Variants in PANX2 observed in about 807,000 individuals in gnomAD.
The protein encoded by PANX2 is pannexin 2.
PANX2 carries 30 observed loss-of-function variants against 38.7 expected under a neutral mutation model. That is an observed-to-expected ratio of 0.78 (90% CI 0.58 to 1.05). The LOEUF (loss-of-function observed/expected upper bound fraction) is 1.05, where lower values mean the gene tolerates loss of function less well. Among genes scored for constraint, PANX2 ranks in the 50% least tolerant of loss-of-function variants. The probability of loss-of-function intolerance (pLI) is 0.00; values close to 1 mark genes in which losing one functional copy is unlikely to be tolerated. For synonymous variants in PANX2, 539 were observed against 472.1 expected (o/e 1.14, Z -1.84); for missense variants, 880 against 979.3 (o/e 0.90, Z 1.35).
chr22:50,175,758 T>A (rs1336136714), intron 1 of PANX2, among the ~76,000 whole-genome samples: 1 of 152,180 alleles, frequency 6.6e-6, no homozygotes, highest in Non-Finnish European at 1.5e-5. Context: ...AGCCGGGAGC[T>A]CCGTGTGGGG....
In PANX2 at chr22:50,177,923, C is replaced by A; in HGVS notation, c.1211C>A (p.Thr404Asn). ...ACGGTGCGCGACTCGGGGGTGCAGACCGTGGACCCCAGCGCCAACCCCGCC... is the reference window on the plus strand; with the variant it reads ...ACGGTGCGCGACTCGGGGGTGCAGAACGTGGACCCCAGCGCCAACCCCGCC... ...TPTVRDSGVQ[T>N]VDPSANPAEP... The change falls in exon 2 of 3, where the codon ACC (threonine) becomes AAC (asparagine). Residue 404 changes from threonine to asparagine, a missense_variant. Around this residue, in one of 4 missense-constraint regions of PANX2, gnomAD observed 445 missense variants for 404.3 expected, o/e 1.10. Transcript: ENST00000395842. 6.5e-7 allele frequency: 1 copy of A among 1,530,970 alleles called. No homozygotes were observed. The allele number at this position is 1,530,970 out of a possible 1,614,324, so 94.8% of individuals were successfully genotyped here.
At chr22:50,172,463 G>T (rs1308837777) in intron 1 of PANX2, among the ~76,000 whole-genome samples, 2 of 152,054 alleles carry the variant, frequency 1.3e-5, no homozygotes, top group Non-Finnish European at 2.9e-5. Flanking sequence ...ACAGAGTCTT[G>T]GTATGTCGCC....
In PANX2 at chr22:50,179,232, C is replaced by T. The variant is rs2063684698; in HGVS notation, c.1989C>T (p.Ala663=). 6.2e-7 allele frequency: 1 copy of T among 1,612,602 alleles called. No homozygotes were observed. Among genetic ancestry groups the T allele is most frequent in the African/African-American group, 1.3e-5 (1 of 74,932 alleles). ...CTGCCCCACAGCAGATCCTCATCGC[C>T]ACCTTCGACGAGCCGAGAACGGTCG... The part of the protein sequence containing the change: ...AIPAPQQILI[A]TFDEPRTVVS... Residue 663 remains alanine, a synonymous_variant, in exon 3 of 3, where the codon GCC becomes GCT. Coordinates refer to ENST00000395842, the MANE Select transcript of PANX2 (RefSeq NM_052839.4).
At position 50,179,403 on chromosome 22, in the gene PANX2, A is replaced by C; in HGVS notation, c.*126A>C. 1.3e-5 allele frequency: 11 copies of C among 827,920 alleles called. No homozygotes were observed. The highest frequency in any genetic ancestry group is 1.9e-5 in the Non-Finnish European group (10 of 532,120). The allele number at this position is 827,920 out of a possible 1,614,324, so 51.3% of individuals were successfully genotyped here. ...TTCGCCCGCACTGCGCGCATCCCCA[A>C]CCTCTGTCCGCATGCCTGGGGCCTT... On this transcript the variant is annotated 3_prime_UTR_variant, in exon 3 of 3. Coordinates refer to ENST00000395842, the MANE Select transcript of PANX2 (RefSeq NM_052839.4).
intron 1 of PANX2, among the ~76,000 whole-genome samples, chr22:50,175,156 G>A (rs1376005574): frequency 6.6e-6 from 1 of 152,196 alleles, no homozygotes; most frequent in East Asian, 1.9e-4. Context: ...AGGAGTTCGG[G>A]TCCAAGTGGG....
chr22:50,176,194 G>A (rs1040642275), intron 1 of PANX2, among the ~76,000 whole-genome samples: 2 of 152,276 alleles, frequency 1.3e-5, no homozygotes, highest in East Asian at 1.9e-4. Flanking sequence ...TTTCACTGCC[G>A]TTCGTGTCAT....
Position 50,177,833 on chromosome 22 carries a change from T to C in PANX2, c.1121T>C (p.Met374Thr). 6.3e-7 allele frequency: 1 copy of C among 1,597,686 alleles called. No individual in the cohort carries two copies. The highest frequency in any genetic ancestry group is 8.5e-7 in the Non-Finnish European group (1 of 1,178,504). The change falls in exon 2 of 3, where the codon ATG becomes ACG. Residue 374 changes from methionine to threonine, a missense_variant. Physicochemically the swap from Met to Thr is moderately conservative, Grantham distance 81. Around this residue, in one of 4 missense-constraint regions of PANX2, gnomAD observed 78 missense variants for 133.1 expected, o/e 0.59. Coordinates refer to ENST00000395842, the MANE Select transcript of PANX2 (RefSeq NM_052839.4). ...TTCATCACCAACGAGAGCGACCTCA[T>C]GTACGACAACGTGGTCCGGCAGCTG... ...LDFITNESDL[M>T]YDNVVRQLLA...
At chr22:50,178,441 G>A (rs761074347) in intron 2 of PANX2, 39 bp downstream of exon 2, 19 of 1,308,170 alleles carry the variant, frequency 1.5e-5, no homozygotes, top group Non-Finnish European at 1.9e-5. Flanking sequence ...GGGGACTGGG[G>A]GTGGGAGAGG....
At chr22:50,176,862 G>T in intron 1 of PANX2, 77 bp from the exon 2 acceptor site, 1 of 1,403,274 alleles carries the variant, frequency 7.1e-7, no homozygotes, top group South Asian at 1.5e-5. Flanking sequence ...GCAGGGACGC[G>T]GTCAGGTCCA....
Position 50,170,757 on chromosome 22 carries a change from G to T in PANX2, c.27G>T (p.Ala9=), listed in dbSNP as rs573803350. The T allele has an allele frequency of 1.2e-4, 162 of 1,330,428 alleles. No homozygotes were observed. The African/African-American group carries it at 2.1e-3, about 18-fold the overall frequency. 82.4% of individuals were successfully genotyped at this position (1,330,428 alleles called of 1,614,324 possible). Residue 9 remains alanine, a synonymous_variant, in exon 1 of 3, where the codon GCG becomes GCT. Coordinates refer to ENST00000395842, the MANE Select transcript of PANX2 (RefSeq NM_052839.4). ...TGCACCACCTCCTGGAGCAGTCGGCGGACATGGCGACCGCGCTGCTGGCGG... is the reference window on the plus strand; with the variant it reads ...TGCACCACCTCCTGGAGCAGTCGGCTGACATGGCGACCGCGCTGCTGGCGG... The part of the protein sequence containing the change: MHHLLEQS[A]DMATALLAGE...
intron 2 of PANX2, 27 bp downstream of exon 2, chr22:50,178,429 C>T (rs1038885953): frequency 1.8e-6 from 2 of 1,087,070 alleles, no homozygotes; most frequent in Non-Finnish European, 1.2e-6. Context: ...AGAGAGGGGA[C>T]GGGGGACTGG....
intron 1 of PANX2, among the ~76,000 whole-genome samples, chr22:50,171,227 G>A (rs2063628616): frequency 6.6e-6 from 1 of 152,226 alleles, no homozygotes; most frequent in Non-Finnish European, 1.5e-5. Flanking sequence ...TGGACCCAGG[G>A]GTCCCAAATG....
rs1297796600 is a variant in PANX2, at chr22:50,178,387, C to A, written c.1675C>A (p.Pro559Thr). ...QAEDCGLGLA[P>T]APIKDAPLPE... ...GGAGGACTGTGGGCTAGGCCTGGCCCCGGCGCCCATCAAAGGTAGGGGCAG... is the reference window on the plus strand; with the variant it reads ...GGAGGACTGTGGGCTAGGCCTGGCCACGGCGCCCATCAAAGGTAGGGGCAG... The change falls in exon 2 of 3, where the codon CCG becomes ACG. Residue 559 changes from proline (P) to threonine (T), a missense_variant. By Grantham distance (38) the Pro-to-Thr change is conservative. Coordinates refer to ENST00000395842, the MANE Select transcript of PANX2 (RefSeq NM_052839.4). The A allele has an allele frequency of 7.0e-7, 1 of 1,426,992 alleles. No homozygotes were observed. Among genetic ancestry groups the A allele is most frequent in the Non-Finnish European group, 9.1e-7 (1 of 1,097,464 alleles). 88.4% of individuals were successfully genotyped at this position (1,426,992 alleles called of 1,614,324 possible).
chr22:50,170,982 G>A (rs2063626552), intron 1 of PANX2, 26 bp downstream of exon 1: 17 of 1,370,014 alleles, frequency 1.2e-5, no homozygotes, highest in Non-Finnish European at 1.6e-5. Flanking sequence ...GGGGCGCGGG[G>A]CGCGGGCAGA....
rs2063680536 is a variant in PANX2, at chr22:50,178,795, G to T, written c.1691-139G>T. 1.3e-5 allele frequency: 9 copies of T among 698,642 alleles called. No homozygotes were observed. The East Asian group carries it at 1.9e-4, about 15-fold the overall frequency. The allele number at this position is 698,642 out of a possible 1,614,324, so 43.3% of individuals were successfully genotyped here. On this transcript the variant is annotated intron_variant, in intron 2 of 2. Coordinates refer to ENST00000395842, the MANE Select transcript of PANX2 (RefSeq NM_052839.4). ...GGTGTTCCCAGGCCAACTGCTGTGT[G>T]CAGGGGCGTCCAGGCCCAGCGTCTC...
Position 50,178,418 on chromosome 22 carries a change from G to T in PANX2, c.1690+16G>T. 2 of 1,382,008 alleles carry T rather than the reference G, an allele frequency of 1.4e-6. No individual in the cohort carries two copies. The highest frequency in any genetic ancestry group is 3.6e-5 in the Admixed American group (1 of 28,090). 85.6% of individuals were successfully genotyped at this position (1,382,008 alleles called of 1,614,324 possible). A position where few individuals can be genotyped will look rare whatever the true frequency, so the allele number is the denominator to read the frequency against. ...CCCATCAAAGGTAGGGGCAGGGCCGGAGAGAGGGGACGGGGGACTGGGGGT... is the reference window on the plus strand; with the variant it reads ...CCCATCAAAGGTAGGGGCAGGGCCGTAGAGAGGGGACGGGGGACTGGGGGT... On this transcript the variant is annotated intron_variant, in intron 2 of 2. Coordinates refer to ENST00000395842, the MANE Select transcript of PANX2 (RefSeq NM_052839.4).
At position 50,179,519 on chromosome 22, in the gene PANX2, C is replaced by T. The variant is rs1487610839; in HGVS notation, c.*242C>T. On this transcript the variant is annotated 3_prime_UTR_variant, in exon 3 of 3. Transcript: ENST00000395842. ...AAAGGTGGCCCAGTGGAGCCGGTGG[C>T]CAGGAAGGCTGAAGCCCGCTTCCCA... The T allele has an allele frequency of 9.7e-5, 52 of 533,896 alleles. No individual in the cohort carries two copies. The highest frequency in any genetic ancestry group is 1.6e-4 in the Non-Finnish European group (48 of 301,492). The allele number at this position is 533,896 out of a possible 1,614,324, so 33.1% of individuals were successfully genotyped here.
In PANX2 at chr22:50,173,095, G is replaced by A. The variant is rs549524100; in HGVS notation, c.226+2139G>A. On this transcript the variant is annotated intron_variant, in intron 1 of 2. Coordinates refer to ENST00000395842, the MANE Select transcript of PANX2 (RefSeq NM_052839.4). The stretch of plus-strand genomic sequence containing the variant: ...GTATTTTTAGTAGAGACGGGGTTTT[G>A]CCATGTTGGCCAGGATGGTCTCGAT... Among the ~76,000 whole-genome samples the A allele has an allele frequency of 1.6e-3, 244 of 152,148 alleles. 3 individuals are homozygous for A. Among genetic ancestry groups the A allele is most frequent in the African/African-American group, 1.2e-3 (51 of 41,526 alleles).
chr22:50,173,163 T>A (rs1187679502), intron 1 of PANX2, among the ~76,000 whole-genome samples: 1 of 151,928 alleles, frequency 6.6e-6, no homozygotes, highest in East Asian at 1.9e-4. Flanking sequence ...CCCAAAGTGC[T>A]GGGATTACAG....
Sources: gnomAD v4.1 joint callset for allele counts (sites outside exome capture counted in the v4.1 genomes callset) on GRCh38, gnomAD v4.1.1 for gene constraint, gnomAD v4.1.1 regional missense constraint, MANE v1.5 for transcripts, NCBI Gene and HGNC (gene_info 2026-07-23, HGNC 2026-07-21) for gene names.